RHOBTB1: variants seen among roughly 807,000 people sequenced by gnomAD.
The protein encoded by RHOBTB1 is Rho related BTB domain containing 1, also known as rho-related BTB domain-containing protein 1.
In RHOBTB1, 40 loss-of-function variants were observed where a neutral mutation model predicts 71.6. The ratio of observed to expected loss-of-function variants is 0.56; its 90% CI spans 0.43 to 0.73. RHOBTB1 has a LOEUF of 0.73. Among genes scored for constraint, RHOBTB1 ranks in the 30% least tolerant of loss-of-function variants. RHOBTB1 has a pLI of 0.00. For synonymous variants in RHOBTB1, 319 were observed against 334.9 expected, an observed-to-expected ratio of 0.95 and a Z score of 0.52; for missense variants, 797 against 894.0, an observed-to-expected ratio of 0.89 and a Z score of 1.38.
chr10:60,991,432 T>TC, intron 1 of RHOBTB1, among the ~76,000 whole-genome samples: 1 of 30,158 alleles, frequency 3.3e-5, no homozygotes, highest in Non-Finnish European at 6.8e-5. Flanking sequence ...CCCTCAGTAC[T>TC]TTTTTTTTTT....
At chr10:60,925,679 GA>G (rs758804604) in intron 2 of RHOBTB1, among the ~76,000 whole-genome samples, 1 of 151,064 alleles carries the variant, frequency 6.6e-6, no homozygotes, top group African/African-American at 2.4e-5. Flanking sequence ...GCCAGACTAA[GA>G]AAAAAAAGAA....
intron 1 of RHOBTB1, among the ~76,000 whole-genome samples, chr10:60,943,433 C>G (rs2085028144): frequency 6.6e-6 from 1 of 152,178 alleles, no homozygotes; most frequent in Admixed American, 6.5e-5. Flanking sequence ...GCAAGCCCCT[C>G]ATGGCAGCTC....
At chr10:60,952,837 C>T (rs1317909343) in intron 2 of RHOBTB1, among the ~76,000 whole-genome samples, 2 of 151,896 alleles carry the variant, frequency 1.3e-5, no homozygotes, top group Non-Finnish European at 2.9e-5. Flanking sequence ...ATCTCTATGA[C>T]GTGACAACTT....
intron 4 of RHOBTB1, among the ~76,000 whole-genome samples, chr10:60,901,441 T>G (rs138532356): frequency 6.6e-6 from 1 of 152,230 alleles, no homozygotes; most frequent in African/African-American, 2.4e-5. Flanking sequence ...GTATCTTGTA[T>G]GTTGACTTTA....
At chr10:60,886,717 T>TGG (rs1554831347) in intron 6 of RHOBTB1, among the ~76,000 whole-genome samples, 23 of 137,468 alleles carry the variant, frequency 1.7e-4, no homozygotes, top group South Asian at 7.4e-4. Context: ...TTAAGAGATG[T>TGG]GGGGGGGGGT....
intron 7 of RHOBTB1, among the ~76,000 whole-genome samples, chr10:60,879,575 C>T (rs1007592945): frequency 6.6e-6 from 1 of 151,886 alleles, no homozygotes; most frequent in African/African-American, 2.4e-5. Context: ...AAACTCCTGG[C>T]CTCAAGTGAT....
chr10:60,952,071 C>G (rs2085431009), intron 2 of RHOBTB1, among the ~76,000 whole-genome samples: 1 of 151,186 alleles, frequency 6.6e-6, no homozygotes, highest in Non-Finnish European at 1.5e-5. Context: ...CCCCCACCCC[C>G]CCAAAAAAGA....
chr10:60,905,147 C>CT (rs2082600276), intron 4 of RHOBTB1, among the ~76,000 whole-genome samples: 2 of 146,294 alleles, frequency 1.4e-5, no homozygotes, highest in African/African-American at 2.6e-5. Flanking sequence ...CCAGATAATA[C>CT]TTAAAAAAAA....
intron 4 of RHOBTB1, among the ~76,000 whole-genome samples, chr10:60,894,583 A>AT (rs552052379): frequency 1.6e-3 from 238 of 152,274 alleles, no homozygotes; most frequent in Middle Eastern, 3.4e-3. Context: ...TGAATTTTAC[A>AT]TTTTTTATGG....
intron 2 of RHOBTB1, among the ~76,000 whole-genome samples, chr10:60,934,358 A>T (rs59969318): frequency 6.6e-6 from 1 of 152,272 alleles, no homozygotes; most frequent in East Asian, 1.9e-4. Context: ...ACTTATATCA[A>T]AGGAACTAAT....
chr10:60,943,668 G>T (rs2085051372), intron 1 of RHOBTB1, among the ~76,000 whole-genome samples: 1 of 152,176 alleles, frequency 6.6e-6, no homozygotes, highest in African/African-American at 2.4e-5. Context: ...CCTCCCTGGC[G>T]CAGCCAGCCT....
intron 2 of RHOBTB1, among the ~76,000 whole-genome samples, chr10:60,952,661 C>G (rs2085454168): frequency 2.0e-5 from 3 of 152,206 alleles, no homozygotes; most frequent in Admixed American, 2.0e-4. Context: ...CCTATTCATT[C>G]AAAGTATTGC....
At chr10:60,983,476 GAATAA>G (rs959327857) in intron 2 of RHOBTB1, among the ~76,000 whole-genome samples, 7 of 152,136 alleles carry the variant, frequency 4.6e-5, no homozygotes, top group Admixed American at 1.3e-4. Context: ...CTATGTAAAA[GAATAA>G]AATAAGTGTC....
chr10:60,873,957 G>A (rs1589143258), intron 9 of RHOBTB1, among the ~76,000 whole-genome samples: 1 of 152,330 alleles, frequency 6.6e-6, no homozygotes, highest in Admixed American at 6.5e-5. Flanking sequence ...ATAGGTCGCT[G>A]TAAAGTTCAA....
intron 1 of RHOBTB1, among the ~76,000 whole-genome samples, chr10:60,986,528 C>T (rs554443656): frequency 1.3e-5 from 2 of 148,436 alleles, no homozygotes; most frequent in South Asian, 4.2e-4. Context: ...GAAAGGAAAA[C>T]GAAGTCCTAT....
chr10:60,881,594 C>T (rs868662838), intron 7 of RHOBTB1, among the ~76,000 whole-genome samples: 1 of 152,162 alleles, frequency 6.6e-6, no homozygotes, highest in African/African-American at 2.4e-5. Context: ...ATCTCTCACC[C>T]TCTCTCACCC....
chr10:60,990,196 G>A (rs2086811987), intron 1 of RHOBTB1, among the ~76,000 whole-genome samples: 1 of 151,916 alleles, frequency 6.6e-6, no homozygotes, highest in Non-Finnish European at 1.5e-5. Context: ...TGTTAGCCAG[G>A]ATGGTCTCGA....
intron 4 of RHOBTB1, among the ~76,000 whole-genome samples, chr10:60,893,601 A>G (rs565426737): frequency 3.3e-5 from 5 of 152,336 alleles, no homozygotes; most frequent in African/African-American, 1.2e-4. Flanking sequence ...TTTACTAAGT[A>G]AGGCAAGAAG....
At chr10:60,892,065 C>T (rs575969948) in intron 5 of RHOBTB1, among the ~76,000 whole-genome samples, 96 of 152,316 alleles carry the variant, frequency 6.3e-4, no homozygotes, top group African/African-American at 1.9e-3. Context: ...CCTGAGGCCT[C>T]CGCAGCCATG....
Sources: allele counts gnomAD v4.1 joint callset (sites outside exome capture counted in the v4.1 genomes callset), GRCh38; gene constraint gnomAD v4.1.1; transcripts MANE v1.5; gene names NCBI Gene and HGNC (gene_info 2026-07-23, HGNC 2026-07-21).